Variants in RAD51B observed in about 807,000 individuals in gnomAD.
RAD51B encodes the protein DNA repair protein RAD51 homolog 2.
In RAD51B, 38 loss-of-function variants were observed where a neutral mutation model predicts 42.2. That is an observed-to-expected ratio of 0.90 (90% CI 0.70 to 1.18). The LOEUF (loss-of-function observed/expected upper bound fraction) is 1.18. Among genes scored for constraint, RAD51B ranks in the 50% most tolerant of loss-of-function variants. RAD51B has a pLI of 0.00. For missense variants in RAD51B, 373 were observed against 400.7 expected, an observed-to-expected ratio of 0.93 and a Z score of 0.59; for synonymous variants, 154 against 145.2, an observed-to-expected ratio of 1.06 and a Z score of -0.43.
chr14:68,194,470 TGTTA>T (rs1255621506), intron 7 of RAD51B, among the ~76,000 whole-genome samples: 2 of 152,100 alleles, frequency 1.3e-5, no homozygotes, highest in African/African-American at 2.4e-5. Flanking sequence ...AAAAAAATGG[TGTTA>T]GTTAGGGAGT....
At chr14:68,241,024 A>C (rs898200787) in intron 7 of RAD51B, among the ~76,000 whole-genome samples, 5 of 152,108 alleles carry the variant, frequency 3.3e-5, no homozygotes, top group African/African-American at 1.2e-4. Context: ...AGCTGTTTGG[A>C]TGTTATCATA....
intron 3 of RAD51B, among the ~76,000 whole-genome samples, chr14:67,827,278 A>G (rs191109466): frequency 1.3e-5 from 2 of 152,316 alleles, no homozygotes; most frequent in South Asian, 2.1e-4. Context: ...TCCATGGCAT[A>G]TTTCCCGTTA....
intron 7 of RAD51B, among the ~76,000 whole-genome samples, chr14:67,914,996 T>C (rs1288030012): frequency 6.6e-6 from 1 of 152,326 alleles, no homozygotes; most frequent in East Asian, 1.9e-4. Context: ...AAATACTACA[T>C]GTTCTCACTT....
chr14:68,049,483 A>G (rs1206887949), intron 7 of RAD51B, among the ~76,000 whole-genome samples: 2 of 152,116 alleles, frequency 1.3e-5, no homozygotes, highest in South Asian at 4.2e-4. Flanking sequence ...GCACACAGAG[A>G]GCATAGAGAT....
At chr14:68,410,419 A>G (rs987682555) in intron 8 of RAD51B, among the ~76,000 whole-genome samples, 1 of 152,206 alleles carries the variant, frequency 6.6e-6, no homozygotes, top group Non-Finnish European at 1.5e-5. Context: ...AATTCAGTGG[A>G]CTTCAACCTC....
At chr14:68,440,967 A>T (rs79253394) in intron 9 of RAD51B, among the ~76,000 whole-genome samples, 45 of 152,320 alleles carry the variant, frequency 3.0e-4, no homozygotes, top group African/African-American at 9.9e-4. Context: ...ACTAACCAGG[A>T]TACTTATGTA....
At chr14:68,164,023 A>G (rs758980796) in intron 7 of RAD51B, among the ~76,000 whole-genome samples, 2 of 152,190 alleles carry the variant, frequency 1.3e-5, no homozygotes, top group Non-Finnish European at 2.9e-5. Flanking sequence ...TCTGTTTACA[A>G]ACATTTTCCT....
chr14:68,033,003 T>G (rs1595290542), intron 7 of RAD51B, among the ~76,000 whole-genome samples: 2 of 152,312 alleles, frequency 1.3e-5, no homozygotes, highest in Admixed American at 6.5e-5. Flanking sequence ...TTTACTTCCT[T>G]GAGTGACCTT....
chr14:67,864,961 C>A (rs961557666), intron 4 of RAD51B, 42 bp from the exon 5 acceptor site: 401 of 644,862 alleles, frequency 6.2e-4, no homozygotes, highest in Non-Finnish European at 7.1e-4. Context: ...ATCTAAAAAA[C>A]TTTTTTTTTT....
At chr14:67,833,109 C>CTAA (rs1198408546) in intron 3 of RAD51B, among the ~76,000 whole-genome samples, 1 of 152,148 alleles carries the variant, frequency 6.6e-6, no homozygotes, top group South Asian at 2.1e-4. Flanking sequence ...GGTGCAGTGG[C>CTAA]TCACACCTGT....
intron 8 of RAD51B, among the ~76,000 whole-genome samples, chr14:68,326,832 C>T (rs1299887367): frequency 6.6e-6 from 1 of 152,114 alleles, no homozygotes; most frequent in Non-Finnish European, 1.5e-5. Context: ...ATTAGTGCCC[C>T]TAGATTGAGA....
intron 7 of RAD51B, among the ~76,000 whole-genome samples, chr14:68,021,207 A>T (rs1466772798): frequency 2.6e-5 from 4 of 152,148 alleles, no homozygotes; most frequent in African/African-American, 9.7e-5. Context: ...AGAATGTCCC[A>T]ACTAAGTTAA....
At chr14:67,907,177 G>C (rs2140104692) in intron 7 of RAD51B, among the ~76,000 whole-genome samples, 1 of 151,846 alleles carries the variant, frequency 6.6e-6, no homozygotes, top group South Asian at 2.1e-4. Context: ...TTTTTCAAAG[G>C]GCCAGCTTTT....
intron 7 of RAD51B, among the ~76,000 whole-genome samples, chr14:68,095,843 G>T (rs1163873781): frequency 6.6e-6 from 1 of 151,910 alleles, no homozygotes; most frequent in African/African-American, 2.4e-5. Flanking sequence ...AGGCGTGGTG[G>T]CGGGCGCCTG....
chr14:68,059,092 C>G (rs1285545369), intron 7 of RAD51B, among the ~76,000 whole-genome samples: 1 of 152,138 alleles, frequency 6.6e-6, no homozygotes, highest in Non-Finnish European at 1.5e-5. Flanking sequence ...AGCTTAAGCC[C>G]CCAAATCAGT....
chr14:68,032,827 A>G (rs1482253464), intron 7 of RAD51B, among the ~76,000 whole-genome samples: 1 of 152,094 alleles, frequency 6.6e-6, no homozygotes, highest in African/African-American at 2.4e-5. Context: ...CTCTTCTTTC[A>G]GCTCTATCTT....
chr14:68,468,973 G>T (rs2086054393), intron 10 of RAD51B: 2 of 303,142 alleles, frequency 6.6e-6, no homozygotes, highest in Non-Finnish European at 1.4e-5. Context: ...TAACATGAAG[G>T]GGTAAATTCC....
intron 7 of RAD51B, among the ~76,000 whole-genome samples, chr14:68,177,460 G>A (rs1295839818): frequency 2.0e-5 from 3 of 152,122 alleles, no homozygotes; most frequent in African/African-American, 4.8e-5. Context: ...CAAAATTCAT[G>A]TTTCAAGTTT....
chr14:68,495,968 A>G (rs571902754), intron 10 of RAD51B, among the ~76,000 whole-genome samples: 132 of 152,344 alleles, frequency 8.7e-4, no homozygotes, highest in African/African-American at 3.1e-3. Context: ...AAGAGCATCC[A>G]TGTACCGAAA....
Sources: allele counts gnomAD v4.1 joint callset (sites outside exome capture counted in the v4.1 genomes callset), GRCh38; gene constraint gnomAD v4.1.1; transcripts MANE v1.5; gene names NCBI Gene and HGNC (gene_info 2026-07-23, HGNC 2026-07-21).